The following GLI3 variants were observed in gnomAD, a reference collection of about 807,000 sequenced individuals.
The protein encoded by GLI3 is transcription activator GLI3.
GLI3 carries 20 observed loss-of-function variants against 100.8 expected under a neutral mutation model. That is an observed-to-expected ratio of 0.20 (90% CI 0.14 to 0.29). The LOEUF (loss-of-function observed/expected upper bound fraction) is 0.29. GLI3 is among the 10% of genes least tolerant of loss of function. GLI3 has a pLI of 1.00. For synonymous variants in GLI3, 938 were observed against 860.5 expected (o/e 1.09, Z -1.58); for missense variants, 2,040 against 2,128.5 (o/e 0.96, Z 0.82).
At chr7:42,086,304 A>G (rs1240269481) in intron 3 of GLI3, among the ~76,000 whole-genome samples, 2 of 152,196 alleles carry the variant, frequency 1.3e-5, no homozygotes, top group African/African-American at 4.8e-5. Context: ...GGGAGACAGT[A>G]GTAGAGCTGT....
intron 3 of GLI3, among the ~76,000 whole-genome samples, chr7:42,133,966 A>T (rs578149472): frequency 6.6e-6 from 1 of 151,756 alleles, no homozygotes; most frequent in Non-Finnish European, 1.5e-5. Context: ...CCATAATCCC[A>T]TCTACTTGGG....
chr7:42,222,989 C>A, intron 2 of GLI3, 141 bp downstream of exon 2: 2 of 979,864 alleles, frequency 2.0e-6, no homozygotes, highest in Non-Finnish European at 3.2e-6. Context: ...CCCCGCCGTC[C>A]CCCCGCCCCT....
At chr7:42,091,162 T>C (rs1785209333) in intron 3 of GLI3, among the ~76,000 whole-genome samples, 1 of 152,240 alleles carries the variant, frequency 6.6e-6, no homozygotes, top group Non-Finnish European at 1.5e-5. Flanking sequence ...ACACTGGGCC[T>C]CACAAACTAT....
intron 3 of GLI3, 78 bp downstream of exon 3, chr7:42,148,143 ACACAC>A (rs1786764736): frequency 8.2e-6 from 6 of 733,342 alleles, no homozygotes; most frequent in African/African-American, 2.1e-5. Flanking sequence ...GCGCACACAC[ACACAC>A]ACACACACAC....
intron 10 of GLI3, among the ~76,000 whole-genome samples, chr7:42,021,893 T>A (rs1386108301): frequency 6.6e-6 from 1 of 152,220 alleles, no homozygotes; most frequent in East Asian, 1.9e-4. Context: ...TCTTTGGGAG[T>A]ATTTCCCCAT....
At chr7:42,012,210 A>G (rs1788633460) in intron 10 of GLI3, among the ~76,000 whole-genome samples, 3 of 152,152 alleles carry the variant, frequency 2.0e-5, no homozygotes. Context: ...AGCCATTTTT[A>G]TTTAATCAAT....
chr7:42,186,580 A>G (rs908421932), intron 2 of GLI3, among the ~76,000 whole-genome samples: 1 of 152,332 alleles, frequency 6.6e-6, no homozygotes, highest in Non-Finnish European at 1.5e-5. Flanking sequence ...GCCTGGGGAC[A>G]ACACCCCTGA....
At chr7:42,248,976 A>G (rs12701953) in intron 1 of GLI3, among the ~76,000 whole-genome samples, 57,037 of 151,748 alleles carry the variant, frequency 0.38, 10,937 homozygotes, top group Middle Eastern at 0.55. Flanking sequence ...TCCTGGGCTC[A>G]AGAGACCCAT....
chr7:42,013,874 C>T (rs1434664476), intron 10 of GLI3, among the ~76,000 whole-genome samples: 1 of 152,108 alleles, frequency 6.6e-6, no homozygotes, highest in Non-Finnish European at 1.5e-5. Context: ...GGTAAAGAGC[C>T]TGATGCCACA....
intron 3 of GLI3, among the ~76,000 whole-genome samples, chr7:42,116,367 C>T (rs7785042): frequency 6.6e-6 from 1 of 151,750 alleles, no homozygotes; most frequent in African/African-American, 2.4e-5. Flanking sequence ...GATGCTCAAC[C>T]CATAAACAAC....
intron 2 of GLI3, among the ~76,000 whole-genome samples, chr7:42,216,133 C>T (rs747051429): frequency 2.6e-5 from 4 of 152,220 alleles, no homozygotes; most frequent in Non-Finnish European, 4.4e-5. Context: ...AGGGCTCAAA[C>T]CCTGGCTTCT....
intron 13 of GLI3, among the ~76,000 whole-genome samples, chr7:41,970,262 CATG>C (rs547092236): frequency 9.9e-5 from 15 of 152,008 alleles, no homozygotes; most frequent in Admixed American, 2.0e-4. Flanking sequence ...TAATTTATAG[CATG>C]ATGATCAAAT....
rs543783153 is a variant in GLI3, at chr7:42,002,654, A to C, written c.1497+20814T>G. Among the ~76,000 whole-genome samples the C allele has an allele frequency of 7.2e-5, 11 of 152,344 alleles. No homozygotes were observed. The South Asian group carries it at 2.3e-3, about 32-fold the overall frequency. ...ACATCATGAAAATAACCTCAATAAA[A>C]TATTTAAATCTCTATCGTCAAGATA... On this transcript the variant is annotated intron_variant, in intron 10 of 14. Coordinates refer to ENST00000395925, the MANE Select transcript of GLI3 (RefSeq NM_000168.6).
intron 3 of GLI3, among the ~76,000 whole-genome samples, chr7:42,088,938 C>T (rs534070461): frequency 6.6e-6 from 1 of 152,298 alleles, no homozygotes; most frequent in Admixed American, 6.5e-5. Context: ...CATCTGGACT[C>T]AGCAGCTGCT....
chr7:41,994,215 C>G lies in GLI3; in HGVS notation c.1498-15467G>C, dbSNP rs576889398. ...TTATCCTTGACAAGATTAAGCTGCA[C>G]TCTATCTCACTGGAATTTGGGCCCC... On this transcript the variant is annotated intron_variant, in intron 10 of 14. Coordinates refer to ENST00000395925, the MANE Select transcript of GLI3 (RefSeq NM_000168.6). Among the ~76,000 whole-genome samples, 4 of 152,198 alleles carry G rather than the reference C, an allele frequency of 2.6e-5. No homozygotes were observed. In the South Asian group the frequency reaches 8.3e-4, roughly 31 times the overall value.
chr7:42,160,070 G>T (rs1021515973), intron 2 of GLI3, among the ~76,000 whole-genome samples: 3 of 152,156 alleles, frequency 2.0e-5, no homozygotes, highest in African/African-American at 7.2e-5. Context: ...GTTGTCAGCT[G>T]CCTCCTCTAC....
intron 10 of GLI3, among the ~76,000 whole-genome samples, chr7:41,990,248 A>AG (rs1207760909): frequency 6.6e-6 from 1 of 152,132 alleles, no homozygotes; most frequent in African/African-American, 2.4e-5. Context: ...TCAAGCTACT[A>AG]GGAGCACCAG....
chr7:42,147,787 A>C (rs1319701655), intron 3 of GLI3, among the ~76,000 whole-genome samples: 1 of 152,212 alleles, frequency 6.6e-6, no homozygotes, highest in African/African-American at 2.4e-5. Context: ...AAATGGGAAT[A>C]GGCAAAATCA....
intron 4 of GLI3, among the ~76,000 whole-genome samples, chr7:42,059,359 G>GACC: frequency 6.6e-6 from 1 of 150,404 alleles, no homozygotes; most frequent in East Asian, 1.9e-4. Context: ...TACTAGAGTT[G>GACC]GTAAGAAGGA....
Sources: gnomAD v4.1 joint callset for allele counts (sites outside exome capture counted in the v4.1 genomes callset) on GRCh38, gnomAD v4.1.1 for gene constraint, MANE v1.5 for transcripts, NCBI Gene and HGNC (gene_info 2026-07-23, HGNC 2026-07-21) for gene names.